The following LRMDA variants were observed in gnomAD, a reference collection of about 807,000 sequenced individuals.
The protein encoded by LRMDA is leucine rich melanocyte differentiation associated.
A neutral mutation model predicts 29.8 loss-of-function variants in LRMDA; 18 were observed. That is an observed-to-expected ratio of 0.60 (90% CI 0.42 to 0.90). LRMDA has a LOEUF of 0.90. Ranked by LOEUF, LRMDA falls within the 40% of genes least tolerant of loss-of-function variation. LRMDA has a pLI of 0.00. For synonymous variants in LRMDA, 125 were observed against 109.4 expected (o/e 1.14, Z -0.89); for missense variants, 273 against 273.9 (o/e 1.00, Z 0.02).
intron 6 of LRMDA, among the ~76,000 whole-genome samples, chr10:76,383,415 CTTTTTTTTTTTTTTTTT>C (rs1157185768): frequency 1.9e-3 from 164 of 87,290 alleles, no homozygotes; most frequent in African/African-American, 8.1e-3. Context: ...AATGTCTTTT[CTTTTTTTTTTTTTTTTT>C]TTTTTTTTTG....
intron 2 of LRMDA, among the ~76,000 whole-genome samples, chr10:75,630,421 G>GGCAA (rs963655404): frequency 1.3e-5 from 2 of 152,182 alleles, no homozygotes; most frequent in Non-Finnish European, 2.9e-5. Context: ...TTGAGTTTCT[G>GGCAA]GCAAGCAAGC....
chr10:75,839,136 G>A (rs922066472), intron 2 of LRMDA, among the ~76,000 whole-genome samples: 9 of 152,234 alleles, frequency 5.9e-5, no homozygotes, highest in African/African-American at 2.2e-4. Context: ...AGCAGAAAGA[G>A]CGAAACAGGC....
At position 76,281,114 on chromosome 10, in the gene LRMDA, G is replaced by C. The variant is rs192540669; in HGVS notation, c.517-43287G>C. ...ACTCAAACTGCTCATTCTGCTCGTG[G>C]TAGAATGACAGGCTCTCAATTTTTG... On this transcript the variant is annotated intron_variant, in intron 5 of 6. Coordinates refer to ENST00000611255, the MANE Select transcript of LRMDA (RefSeq NM_001305581.2). 2.6e-3 allele frequency among the ~76,000 whole-genome samples: 395 copies of C among 152,292 alleles called. 3 individuals carry two copies. The highest frequency in any genetic ancestry group is 9.1e-3 in the African/African-American group (377 of 41,564).
chr10:76,045,326 TC>T (rs1163964343), intron 3 of LRMDA, among the ~76,000 whole-genome samples: 9 of 149,662 alleles, frequency 6.0e-5, no homozygotes, highest in African/African-American at 2.2e-4. Context: ...CTTGCTAGTT[TC>T]CCCCTCTTGT....
chr10:76,335,091 G>A (rs1840951506), intron 6 of LRMDA, among the ~76,000 whole-genome samples: 1 of 152,198 alleles, frequency 6.6e-6, no homozygotes, highest in African/African-American at 2.4e-5. Context: ...ATCAAGTTGT[G>A]GATTCTTGTC....
intron 6 of LRMDA, among the ~76,000 whole-genome samples, chr10:76,372,032 A>G (rs1256785092): frequency 6.6e-6 from 1 of 152,132 alleles, no homozygotes; most frequent in Non-Finnish European, 1.5e-5. Context: ...GGAAATATGG[A>G]TCTTTGACCT....
intron 2 of LRMDA, among the ~76,000 whole-genome samples, chr10:75,668,185 C>T (rs1025010508): frequency 7.9e-5 from 12 of 152,194 alleles, no homozygotes; most frequent in African/African-American, 2.7e-4. Flanking sequence ...GCCCTCCCAT[C>T]GCTTTGCATC....
chr10:76,020,898 C>T (rs1173214748), intron 2 of LRMDA, among the ~76,000 whole-genome samples: 2 of 152,222 alleles, frequency 1.3e-5, no homozygotes, highest in African/African-American at 4.8e-5. Flanking sequence ...CACTTTTCAT[C>T]ACTCTTCCTT....
rs1842131904 is a variant in LRMDA, at chr10:75,690,519, T to C, written c.131+252025T>C. Among the ~76,000 whole-genome samples the C allele has an allele frequency of 2.0e-5, 3 of 152,116 alleles. No homozygotes were observed. The South Asian group carries it at 6.2e-4, about 32-fold the overall frequency. On this transcript the variant is annotated intron_variant, in intron 2 of 6. Coordinates refer to ENST00000611255, the MANE Select transcript of LRMDA (RefSeq NM_001305581.2). ...TTTTTAAAGACAGGGTCTTGCTATGTTGCCTAGGCTGGTCTTGAACTCCTA... is the reference window on the plus strand; with the variant it reads ...TTTTTAAAGACAGGGTCTTGCTATGCTGCCTAGGCTGGTCTTGAACTCCTA...
At chr10:76,532,233 G>A (rs1023582918) in intron 6 of LRMDA, among the ~76,000 whole-genome samples, 2 of 152,054 alleles carry the variant, frequency 1.3e-5, no homozygotes, top group African/African-American at 4.8e-5. Context: ...GTGTCCATGT[G>A]TTCTCATTAT....
intron 6 of LRMDA, among the ~76,000 whole-genome samples, chr10:76,463,289 G>A (rs1477730946): frequency 6.6e-6 from 1 of 152,234 alleles, no homozygotes; most frequent in Non-Finnish European, 1.5e-5. Context: ...AGTGAAATGA[G>A]ATGCAAGTGG....
chr10:76,410,262 A>T (rs1439419983), intron 6 of LRMDA, among the ~76,000 whole-genome samples: 2 of 128,174 alleles, frequency 1.6e-5, no homozygotes, highest in African/African-American at 5.8e-5. Context: ...AAGAGTAGGG[A>T]TTATGTCATA....
In LRMDA at chr10:75,955,397, G is replaced by A. The variant is rs559945850; in HGVS notation, c.132-80611G>A. On this transcript the variant is annotated intron_variant, in intron 2 of 6. Coordinates refer to ENST00000611255, the MANE Select transcript of LRMDA (RefSeq NM_001305581.2). ...GCCTCTGGGCTCTCACCTGGAATCT[G>A]TGATTAAACATGAGTTGGTTGGGAG... 2.0e-5 allele frequency among the ~76,000 whole-genome samples: 3 copies of A among 152,328 alleles called. No individual in the cohort carries two copies. The South Asian group carries it at 6.2e-4, about 32-fold the overall frequency.
intron 2 of LRMDA, among the ~76,000 whole-genome samples, chr10:75,583,985 C>G (rs909151462): frequency 2.0e-5 from 3 of 152,106 alleles, no homozygotes; most frequent in East Asian, 3.8e-4. Context: ...CCTTCCCAGC[C>G]CCCCCATAGG....
rs186505852 is a variant in LRMDA, at chr10:76,169,884, G to A, written c.516+111101G>A. Reference sequence around the variant, plus strand: ...GGGATAGGACAGCTGTTTACTGTGAGGCTGCCCCATGCATTCTAAGAGGTT... The same window carrying A: ...GGGATAGGACAGCTGTTTACTGTGAAGCTGCCCCATGCATTCTAAGAGGTT... On this transcript the variant is annotated intron_variant, in intron 5 of 6. Coordinates refer to ENST00000611255, the MANE Select transcript of LRMDA (RefSeq NM_001305581.2). Among the ~76,000 whole-genome samples the A allele has an allele frequency of 4.6e-5, 7 of 152,264 alleles. No homozygotes were observed. In the East Asian group the frequency reaches 1.2e-3, roughly 25 times the overall value.
intron 6 of LRMDA, among the ~76,000 whole-genome samples, chr10:76,424,723 A>G (rs571637255): frequency 5.9e-5 from 9 of 152,362 alleles, no homozygotes; most frequent in South Asian, 2.1e-4. Context: ...CTCAGAAGGC[A>G]AAGAATGTGC....
intron 1 of LRMDA, 65 bp downstream of exon 1, chr10:75,431,819 C>T: frequency 7.8e-7 from 1 of 1,280,044 alleles, no homozygotes. Flanking sequence ...CAGCGGGGCA[C>T]AGAGGCTCCC....
At chr10:76,409,467 A>G (rs1400453615) in intron 6 of LRMDA, among the ~76,000 whole-genome samples, 5 of 152,320 alleles carry the variant, frequency 3.3e-5, no homozygotes, top group South Asian at 2.1e-4. Context: ...TGTTTATTTT[A>G]TAAAATTTAG....
chr10:75,822,491 C>A (rs1252770477), intron 2 of LRMDA, among the ~76,000 whole-genome samples: 1 of 151,906 alleles, frequency 6.6e-6, no homozygotes. Flanking sequence ...CCAAAAAAAG[C>A]CTGAATAGCC....
Sources: allele counts gnomAD v4.1 joint callset (sites outside exome capture counted in the v4.1 genomes callset), GRCh38; gene constraint gnomAD v4.1.1; transcripts MANE v1.5; gene names NCBI Gene and HGNC (gene_info 2026-07-23, HGNC 2026-07-21).